Variants in NCMAP observed in about 807,000 individuals in gnomAD.
NCMAP encodes the protein non-compact myelin associated protein.
Under a neutral mutation model 7.8 loss-of-function variants are expected in NCMAP, and 8 were observed. The observed-to-expected ratio is 1.02, with a 90% confidence interval of 0.60 to 1.84. The LOEUF (loss-of-function observed/expected upper bound fraction) is 1.84, where lower values mean the gene tolerates loss of function less well. Ranked by LOEUF, NCMAP falls within the 40% of genes most tolerant of loss-of-function variation. The probability of loss-of-function intolerance (pLI) is 0.00; values close to 1 mark genes in which losing one functional copy is unlikely to be tolerated. For missense variants in NCMAP, 112 were observed against 131.4 expected (o/e 0.85, Z 0.72); for synonymous variants, 41 against 52.9 (o/e 0.78, Z 0.98).
intron 1 of NCMAP, among the ~76,000 whole-genome samples, chr1:24,594,815 A>C (rs1193015516): frequency 6.6e-6 from 1 of 152,154 alleles, no homozygotes; most frequent in African/African-American, 2.4e-5. Context: ...ACCTGAGCCC[A>C]AGGAGGTCGA....
intron 2 of NCMAP, among the ~76,000 whole-genome samples, chr1:24,600,443 T>C (rs1352285194): frequency 6.6e-6 from 1 of 152,220 alleles, no homozygotes; most frequent in Non-Finnish European, 1.5e-5. Context: ...CATGAGCCAC[T>C]GCACCTGGCT....
intron 1 of NCMAP, among the ~76,000 whole-genome samples, chr1:24,589,262 C>T (rs917998352): frequency 6.6e-6 from 1 of 152,098 alleles, no homozygotes; most frequent in South Asian, 2.1e-4. Context: ...TTTGTGTTTT[C>T]TATGGTCATG....
chr1:24,564,204 A>C (rs1350213851), intron 1 of NCMAP, among the ~76,000 whole-genome samples: 1 of 152,134 alleles, frequency 6.6e-6, no homozygotes, highest in Non-Finnish European at 1.5e-5. Flanking sequence ...CAGAGACAAC[A>C]CATAGAAAAG....
In NCMAP at chr1:24,605,798, C is replaced by A. The variant is rs772780122; in HGVS notation, c.*51C>A. On this transcript the variant is annotated 3_prime_UTR_variant, in exon 4 of 4. Coordinates refer to ENST00000374392, the MANE Select transcript of NCMAP (RefSeq NM_001010980.5). The stretch of plus-strand genomic sequence containing the variant: ...ACTGTCCAAAGAGCCTCTCCAGAGT[C>A]AAGACCCAGAGGCACACTCTCTGGC... The A allele has an allele frequency of 5.6e-6, 9 of 1,599,806 alleles. No homozygotes were observed. The Admixed American group carries it at 1.3e-4, about 24-fold the overall frequency.
chr1:24,584,759 C>T (rs904360469), intron 1 of NCMAP, among the ~76,000 whole-genome samples: 8 of 152,012 alleles, frequency 5.3e-5, no homozygotes, highest in African/African-American at 9.7e-5. Context: ...CTCATTCTTT[C>T]GGTCTGAGTT....
chr1:24,579,960 G>A (rs928909613), intron 1 of NCMAP, among the ~76,000 whole-genome samples: 1 of 152,188 alleles, frequency 6.6e-6, no homozygotes, highest in South Asian at 2.1e-4. Flanking sequence ...TGGCAGAGCT[G>A]AGCTTCCCAG....
chr1:24,578,301 T>C (rs975540491), intron 1 of NCMAP, among the ~76,000 whole-genome samples: 1 of 151,186 alleles, frequency 6.6e-6, no homozygotes, highest in Non-Finnish European at 1.5e-5. Context: ...CCTTCCTCTG[T>C]CTATGTGCTC....
intron 1 of NCMAP, among the ~76,000 whole-genome samples, chr1:24,578,245 CAAA>C (rs35145959): frequency 8.6e-6 from 1 of 116,310 alleles, no homozygotes; most frequent in African/African-American, 3.2e-5. Flanking sequence ...GACACTGTCT[CAAA>C]AAAAAAAAAA....
chr1:24,577,390 G>T (rs1244169121), intron 1 of NCMAP, among the ~76,000 whole-genome samples: 1 of 127,466 alleles, frequency 7.8e-6, no homozygotes, highest in African/African-American at 3.0e-5. Flanking sequence ...TTCTAAGAAG[G>T]CACTGGCCTT....
intron 1 of NCMAP, among the ~76,000 whole-genome samples, chr1:24,564,513 CAA>C (rs1184189345): frequency 2.2e-4 from 11 of 50,008 alleles, no homozygotes; most frequent in Admixed American, 6.1e-4. Context: ...GATTCTGTCT[CAA>C]AAAAAAAAAA....
chr1:24,582,108 G>A (rs76885431), intron 1 of NCMAP, among the ~76,000 whole-genome samples: 2 of 152,240 alleles, frequency 1.3e-5, no homozygotes, highest in South Asian at 4.1e-4. Flanking sequence ...TTCTCTGTCC[G>A]TCTCTCACAG....
intron 1 of NCMAP, among the ~76,000 whole-genome samples, chr1:24,574,629 G>A (rs1344820511): frequency 2.0e-5 from 3 of 151,808 alleles, no homozygotes; most frequent in Admixed American, 6.6e-5. Context: ...GGAGAACTCC[G>A]ACATATACCA....
chr1:24,562,761 C>T (rs935093360), intron 1 of NCMAP, among the ~76,000 whole-genome samples: 1 of 152,200 alleles, frequency 6.6e-6, no homozygotes, highest in Non-Finnish European at 1.5e-5. Flanking sequence ...ACTAATGCCC[C>T]TACAGTCCCA....
At position 24,606,019 on chromosome 1, in the gene NCMAP, A is replaced by G. The variant is rs61593857; in HGVS notation, c.*272A>G. ...GTAGAGCTATGTTGGGAATCCACCA[A>G]TGTGGGCTTGGCTTTCCCCCACACT... On this transcript the variant is annotated 3_prime_UTR_variant, in exon 4 of 4. Transcript: ENST00000374392. 10,286 of 414,484 alleles carry G rather than the reference A, an allele frequency of 0.025. 927 individuals are homozygous for G. The highest frequency in any genetic ancestry group is 0.19 in the African/African-American group (9,422 of 50,006). 25.7% of individuals were successfully genotyped at this position (414,484 alleles called of 1,614,324 possible). A position where few individuals can be genotyped will look rare whatever the true frequency, so the allele number is the denominator to read the frequency against.
chr1:24,560,160 C>CA (rs67052970), intron 1 of NCMAP, among the ~76,000 whole-genome samples: 14,146 of 88,828 alleles, frequency 0.16, 1,112 homozygotes, highest in East Asian at 0.24. Flanking sequence ...GACTCCATCT[C>CA]AAAAAAAAAA....
chr1:24,573,610 C>T (rs1301028887), intron 1 of NCMAP, among the ~76,000 whole-genome samples: 1 of 148,610 alleles, frequency 6.7e-6, no homozygotes, highest in Non-Finnish European at 1.5e-5. Flanking sequence ...GAAACAAAAA[C>T]AAAAACAAAA....
At chr1:24,585,951 C>G (rs1267987403) in intron 1 of NCMAP, among the ~76,000 whole-genome samples, 1 of 152,078 alleles carries the variant, frequency 6.6e-6, no homozygotes, top group Non-Finnish European at 1.5e-5. Flanking sequence ...CAAAACTTGA[C>G]CAGACAGAGA....
At position 24,605,771 on chromosome 1, in the gene NCMAP, C is replaced by A; in HGVS notation, c.*24C>A. Reference sequence around the variant, plus strand: ...GACCTCTACCCTGGCGCTATCTCCACCACTGTCCAAAGAGCCTCTCCAGAG... The same window carrying A: ...GACCTCTACCCTGGCGCTATCTCCAACACTGTCCAAAGAGCCTCTCCAGAG... On this transcript the variant is annotated 3_prime_UTR_variant, in exon 4 of 4. Coordinates refer to ENST00000374392, the MANE Select transcript of NCMAP (RefSeq NM_001010980.5). The A allele has an allele frequency of 6.2e-7, 1 of 1,612,450 alleles. No homozygotes were observed. The highest frequency in any genetic ancestry group is 1.1e-5 in the South Asian group (1 of 91,014).
At position 24,576,214 on chromosome 1, in the gene NCMAP, C is replaced by G. The variant is rs1318604092; in HGVS notation, c.-7-19210C>G. On this transcript the variant is annotated intron_variant, in intron 1 of 3. Coordinates refer to ENST00000374392, the MANE Select transcript of NCMAP (RefSeq NM_001010980.5). The surrounding 1 kb of genome is among the most constrained non-coding windows in gnomAD (Gnocchi z 4.0). ...AAGGCCACTTAGGTCTGTGCGGCAT[C>G]CACATCCCACCTCCTGACAAAGCTG... Among the ~76,000 whole-genome samples, 7 of 152,198 alleles carry G rather than the reference C, an allele frequency of 4.6e-5. No homozygotes were observed. Among genetic ancestry groups the G allele is most frequent in the Non-Finnish European group, 1.0e-4 (7 of 68,040 alleles).
Sources: allele counts gnomAD v4.1 joint callset (sites outside exome capture counted in the v4.1 genomes callset), GRCh38; gene constraint gnomAD v4.1.1; non-coding constraint Gnocchi (gnomAD v3.1); transcripts MANE v1.5; gene names NCBI Gene and HGNC (gene_info 2026-07-23, HGNC 2026-07-21).